Variants in PLCB4 observed in about 807,000 individuals in gnomAD.
PLCB4 encodes 1-phosphatidylinositol 4,5-bisphosphate phosphodiesterase beta-4.
A neutral mutation model predicts 178.8 loss-of-function variants in PLCB4; 77 were observed. The observed-to-expected ratio is 0.43, with a 90% CI of 0.36 to 0.52. The LOEUF (loss-of-function observed/expected upper bound fraction) is 0.52, where lower values mean the gene tolerates loss of function less well. PLCB4 is among the 20% of genes least tolerant of loss of function. The pLI is 0.00. For missense variants in PLCB4, 1,024 were observed against 1,453.4 expected, an observed-to-expected ratio of 0.70 and a Z score of 4.80; for synonymous variants, 496 against 490.8, an observed-to-expected ratio of 1.01 and a Z score of -0.14.
intron 3 of PLCB4, among the ~76,000 whole-genome samples, chr20:9,236,458 A>T (rs1345294821): frequency 6.6e-6 from 1 of 152,138 alleles, no homozygotes; most frequent in Non-Finnish European, 1.5e-5. Context: ...TTTTTTGCAA[A>T]TACGACTCTC....
intron 35 of PLCB4, among the ~76,000 whole-genome samples, chr20:9,467,950 G>C (rs1262811396): frequency 6.6e-6 from 1 of 152,122 alleles, no homozygotes; most frequent in Non-Finnish European, 1.5e-5. Flanking sequence ...ATTCCCACAT[G>C]CAGTGGTTGG....
At chr20:9,159,166 A>AT (rs1300647230) in intron 2 of PLCB4, among the ~76,000 whole-genome samples, 5 of 152,118 alleles carry the variant, frequency 3.3e-5, no homozygotes, top group Non-Finnish European at 5.9e-5. Flanking sequence ...TGTATGGGTG[A>AT]TTTTTATCCA....
At chr20:9,236,159 G>C (rs892366893) in intron 3 of PLCB4, among the ~76,000 whole-genome samples, 1 of 152,056 alleles carries the variant, frequency 6.6e-6, no homozygotes, top group African/African-American at 2.4e-5. Context: ...TTTGTCTCTT[G>C]ATGTCTTGAT....
At chr20:9,168,985 C>T (rs1378807643) in intron 2 of PLCB4, among the ~76,000 whole-genome samples, 1 of 133,852 alleles carries the variant, frequency 7.5e-6, no homozygotes, top group Non-Finnish European at 1.6e-5. Flanking sequence ...TCAAGTCTCC[C>T]TTTGCGGTTG....
At chr20:9,286,576 C>G (rs1362218626) in intron 3 of PLCB4, among the ~76,000 whole-genome samples, 3 of 151,980 alleles carry the variant, frequency 2.0e-5, no homozygotes, top group African/African-American at 7.2e-5. Context: ...ATCACTTAAG[C>G]TTAAGAATGT....
rs904612452 is a variant in PLCB4 at position 9,479,027 on chromosome 20, G to A, written c.*18G>A. 3.2e-6 allele frequency: 5 copies of A among 1,576,468 alleles called. No homozygotes were observed. Among genetic ancestry groups the A allele is most frequent in the Non-Finnish European group, 4.4e-6 (5 of 1,146,706 alleles). On this transcript the variant is annotated 3_prime_UTR_variant, in exon 40 of 40. Coordinates refer to ENST00000378473, the MANE Select transcript of PLCB4 (RefSeq NM_001377142.1). ...CAAACTGAAGCAGCAAACCCACAAA[G>A]CATCAAAAGACTCACTCACAAACTT... is the stretch of plus-strand genomic sequence containing the variant.
chr20:9,388,538 G>A (rs1007666995), intron 15 of PLCB4, among the ~76,000 whole-genome samples: 1 of 152,202 alleles, frequency 6.6e-6, no homozygotes, highest in African/African-American at 2.4e-5. Context: ...GGCCAACATG[G>A]TGAAACCCTG....
intron 3 of PLCB4, among the ~76,000 whole-genome samples, chr20:9,299,522 A>G (rs1173368885): frequency 6.6e-6 from 1 of 152,020 alleles, no homozygotes; most frequent in Non-Finnish European, 1.5e-5. Flanking sequence ...GTGTAATTTT[A>G]TAGCCTGTGG....
At chr20:9,424,271 C>T (rs935039686) in intron 28 of PLCB4, among the ~76,000 whole-genome samples, 2 of 152,030 alleles carry the variant, frequency 1.3e-5, no homozygotes, top group Admixed American at 6.6e-5. Context: ...GGGAAAAAAA[C>T]ATAAATAAGG....
intron 13 of PLCB4, among the ~76,000 whole-genome samples, chr20:9,382,326 A>G (rs1010669383): frequency 1.4e-4 from 21 of 152,146 alleles, no homozygotes. Context: ...TCAGTGCCCT[A>G]CAATTTATGG....
At chr20:9,117,333 C>T (rs910382020) in intron 2 of PLCB4, among the ~76,000 whole-genome samples, 3 of 152,144 alleles carry the variant, frequency 2.0e-5, no homozygotes, top group Non-Finnish European at 4.4e-5. Context: ...TTTTACAGCT[C>T]AGGATATGTG....
chr20:9,421,163 A>T lies in PLCB4; in HGVS notation c.2155-134A>T, dbSNP rs528413127. On this transcript the variant is annotated intron_variant, in intron 26 of 39. Coordinates refer to ENST00000378473, the MANE Select transcript of PLCB4 (RefSeq NM_001377142.1). ...ATAATGTTTTGGTTTGATAGAAATGAATACATTATTGCCATAGATAATTGA... is the reference window on the plus strand; with the variant it reads ...ATAATGTTTTGGTTTGATAGAAATGTATACATTATTGCCATAGATAATTGA... 2.6e-5 allele frequency: 16 copies of T among 622,354 alleles called. 1 individual carries two copies. The Admixed American group carries it at 4.0e-4, about 16-fold the overall frequency. 38.6% of individuals were successfully genotyped at this position (622,354 alleles called of 1,614,324 possible).
At chr20:9,181,187 C>T (rs2093240151) in intron 2 of PLCB4, among the ~76,000 whole-genome samples, 1 of 152,170 alleles carries the variant, frequency 6.6e-6, no homozygotes, top group African/African-American at 2.4e-5. Flanking sequence ...CACTAACATT[C>T]TATTCATGAT....
chr20:9,297,235 G>A (rs2094648600), intron 3 of PLCB4, among the ~76,000 whole-genome samples: 1 of 151,570 alleles, frequency 6.6e-6, no homozygotes, highest in Non-Finnish European at 1.5e-5. Context: ...TTTCTTTCTA[G>A]CGGTCACTTC....
intron 25 of PLCB4, among the ~76,000 whole-genome samples, chr20:9,417,637 A>G (rs1465533083): frequency 1.3e-5 from 2 of 152,162 alleles, no homozygotes; most frequent in Non-Finnish European, 2.9e-5. Flanking sequence ...TCTCTGGATT[A>G]TTACAAATAA....
chr20:9,135,577 G>T (rs530169258), intron 2 of PLCB4, among the ~76,000 whole-genome samples: 18 of 152,088 alleles, frequency 1.2e-4, no homozygotes, highest in African/African-American at 4.3e-4. Context: ...TCCCCACCTT[G>T]ATTTTTTATA....
intron 3 of PLCB4, among the ~76,000 whole-genome samples, chr20:9,295,141 A>T (rs1465968482): frequency 1.3e-5 from 2 of 152,134 alleles, no homozygotes; most frequent in African/African-American, 4.8e-5. Flanking sequence ...CCTCTACCTA[A>T]AACTATACTT....
At chr20:9,421,126 A>T (rs748528649) in intron 26 of PLCB4, among the ~76,000 whole-genome samples, 171 bp from the exon 27 acceptor site, 2 of 152,040 alleles carry the variant, frequency 1.3e-5, no homozygotes, top group Non-Finnish European at 2.9e-5. Flanking sequence ...TTTTGCCTAT[A>T]GTAGTTGTTC....
chr20:9,208,150 A>G (rs1320375968), intron 2 of PLCB4, among the ~76,000 whole-genome samples: 3 of 152,200 alleles, frequency 2.0e-5, no homozygotes, highest in Non-Finnish European at 4.4e-5. Context: ...AGATGGATGC[A>G]CAGACAGTTG....
Sources: allele counts gnomAD v4.1 joint callset (sites outside exome capture counted in the v4.1 genomes callset), GRCh38; gene constraint gnomAD v4.1.1; transcripts MANE v1.5; gene names NCBI Gene and HGNC (gene_info 2026-07-23, HGNC 2026-07-21).